Variants in CALD1 observed in about 807,000 individuals in gnomAD.
CALD1 encodes the protein caldesmon 1.
A neutral mutation model predicts 99.9 loss-of-function variants in CALD1; 33 were observed. The observed-to-expected ratio is 0.33, with a 90% CI of 0.25 to 0.44. The LOEUF is 0.44. Ranked by LOEUF, CALD1 falls within the 20% of genes least tolerant of loss-of-function variation. The probability of loss-of-function intolerance (pLI) is 1.00; values close to 1 mark genes in which losing one functional copy is unlikely to be tolerated. For synonymous variants in CALD1, 310 were observed against 325.0 expected (o/e 0.95, Z 0.50); for missense variants, 861 against 962.1 (o/e 0.89, Z 1.39).
chr7:134,835,291 C>T (rs1037303219), intron 1 of CALD1, among the ~76,000 whole-genome samples: 1 of 152,174 alleles, frequency 6.6e-6, no homozygotes, highest in Admixed American at 6.5e-5. Context: ...TGCTTGGCAC[C>T]GACTGAGCTC....
intron 1 of CALD1, among the ~76,000 whole-genome samples, chr7:134,750,599 AG>A (rs1796678025): frequency 6.6e-6 from 1 of 152,094 alleles, no homozygotes; most frequent in African/African-American, 2.4e-5. Flanking sequence ...TTCCATTCCT[AG>A]CTATTAACAG....
At chr7:134,759,992 G>A (rs1796762673) in intron 1 of CALD1, among the ~76,000 whole-genome samples, 1 of 152,220 alleles carries the variant, frequency 6.6e-6, no homozygotes, top group South Asian at 2.1e-4. Flanking sequence ...ATTCAGCAGA[G>A]ATCTAAGGAA....
the CALD1 span, among the ~76,000 whole-genome samples, chr7:134,711,660 CTA>C: frequency 8.2e-4 from 64 of 78,354 alleles, 1 homozygote; most frequent in Admixed American, 1.4e-3. Flanking sequence ...CTCTCTCTCT[CTA>C]TATATATATA....
Position 134,771,120 on chromosome 7 carries a change from A to C in CALD1, c.-130+26757A>C, listed in dbSNP as rs535091998. ...TCTCAGCCTCCTTTTCTGGGCTGTA[A>C]ATATTGGGGTGTTAGCTCCCACATC... On this transcript the variant is annotated intron_variant, in intron 1 of 13. Transcript: ENST00000417172. Among the ~76,000 whole-genome samples, 39 of 152,166 alleles carry C rather than the reference A, an allele frequency of 2.6e-4. 1 individual carries two copies. Among genetic ancestry groups the C allele is most frequent in the Non-Finnish European group, 1.5e-4 (10 of 67,996 alleles).
intron 3 of CALD1, among the ~76,000 whole-genome samples, chr7:134,904,869 T>C (rs1394196344): frequency 6.6e-6 from 1 of 152,086 alleles, no homozygotes; most frequent in African/African-American, 2.4e-5. Context: ...CATGGGAAGA[T>C]AAAGCTCTCT....
At chr7:134,881,337 C>T (rs1320200218) in intron 3 of CALD1, among the ~76,000 whole-genome samples, 2 of 152,134 alleles carry the variant, frequency 1.3e-5, no homozygotes, top group Admixed American at 6.5e-5. Flanking sequence ...GCCCCACTCT[C>T]AATTTATTAT....
intron 1 of CALD1, among the ~76,000 whole-genome samples, chr7:134,756,742 C>G (rs910094399): frequency 6.6e-6 from 1 of 152,272 alleles, no homozygotes; most frequent in East Asian, 1.9e-4. Context: ...AAACTCATAA[C>G]TTGATTCATA....
At chr7:134,814,650 T>C (rs1798488243) in intron 1 of CALD1, among the ~76,000 whole-genome samples, 2 of 152,208 alleles carry the variant, frequency 1.3e-5, no homozygotes, top group African/African-American at 4.8e-5. Context: ...CGGAAGATGC[T>C]ATTTATTCCA....
At chr7:134,814,588 G>C (rs914872369) in intron 1 of CALD1, among the ~76,000 whole-genome samples, 3 of 152,086 alleles carry the variant, frequency 2.0e-5, no homozygotes, top group African/African-American at 7.2e-5. Context: ...GAAGGAGTTG[G>C]TTACTAAGAG....
chr7:134,756,866 T>C (rs963112665), intron 1 of CALD1, among the ~76,000 whole-genome samples: 22 of 152,186 alleles, frequency 1.4e-4, no homozygotes, highest in Non-Finnish European at 4.4e-5. Context: ...TTAAATGCCA[T>C]CCAATAGCAC....
intron 1 of CALD1, among the ~76,000 whole-genome samples, chr7:134,791,660 TGAAAAAC>T (rs1797538044): frequency 7.0e-6 from 1 of 143,320 alleles, no homozygotes; most frequent in African/African-American, 2.5e-5. Context: ...CCCAGGGAAA[TGAAAAAC>T]AAAAAACAAA....
intron 1 of CALD1, among the ~76,000 whole-genome samples, chr7:134,792,361 C>T (rs1797573259): frequency 6.7e-6 from 1 of 149,216 alleles, no homozygotes; most frequent in African/African-American, 2.5e-5. Context: ...GCCATCTCGA[C>T]TCACTGCAAC....
chr7:134,965,306 G>A lies in CALD1; in HGVS notation c.2296G>A (p.Asp766Asn). Residue 766 changes from aspartate to asparagine, a missense_variant and splice_region_variant, in exon 14 of 15, where the codon GAC (aspartate) becomes AAC (asparagine). Coordinates refer to ENST00000361675, the MANE Select transcript of CALD1 (RefSeq NM_033138.4). ...GNKSPAPKPS[D>N]LRPGDVSSKR... The stretch of plus-strand genomic sequence containing the variant: ...TGTTTTTCTGCTTCCTTTTTATCAG[G>A]ACTTGAGACCAGGAGACGTATCCAG... 1 of 1,544,674 alleles carries A rather than the reference G, an allele frequency of 6.5e-7. No individual in the cohort carries two copies. Among genetic ancestry groups the A allele is most frequent in the South Asian group, 1.1e-5 (1 of 89,610 alleles).
intron 6 of CALD1, 30 bp from the exon 7 acceptor site, chr7:134,941,062 T>C (rs368299588): frequency 5.1e-6 from 8 of 1,560,586 alleles, no homozygotes; most frequent in Non-Finnish European, 6.9e-6. Flanking sequence ...TTTCTTGTTC[T>C]GTTTCTTCCT....
At chr7:134,951,690 A>G (rs17229226) in intron 9 of CALD1, among the ~76,000 whole-genome samples, 4,014 of 152,326 alleles carry the variant, frequency 0.026, 78 homozygotes, top group Non-Finnish European at 0.042. Flanking sequence ...CCAAGAGAAC[A>G]GAAAAGGAGC....
intron 14 of CALD1, 142 bp downstream of exon 14, chr7:134,965,528 A>G (rs1808609764): frequency 1.7e-6 from 1 of 598,060 alleles, no homozygotes; most frequent in African/African-American, 1.8e-5. Flanking sequence ...AGACCAGTAC[A>G]TAACACAGTG....
chr7:134,819,967 A>G (rs1326479509), intron 1 of CALD1, among the ~76,000 whole-genome samples: 1 of 152,236 alleles, frequency 6.6e-6, no homozygotes, highest in African/African-American at 2.4e-5. Flanking sequence ...TGGCCTATAA[A>G]TGTATATGCT....
At position 134,969,198 on chromosome 7, in the gene CALD1, A is replaced by C. The variant is rs1808885844; in HGVS notation, c.*853A>C. On this transcript the variant is annotated 3_prime_UTR_variant, in exon 15 of 15. Transcript: ENST00000361675. ...ATATTTTATATTTGCCAACAGAAAC[A>C]TGGCAGATAGGTATCAATATGTTTT... The C allele has an allele frequency of 6.6e-6, 1 of 152,534 alleles. No individual in the cohort carries two copies. The highest frequency in any genetic ancestry group is 1.5e-5 in the Non-Finnish European group (1 of 68,078). The allele number at this position is 152,534 out of a possible 1,614,324, so 9.4% of individuals were successfully genotyped here. A position where few individuals can be genotyped will look rare whatever the true frequency, so the allele number is the denominator to read the frequency against.
chr7:134,823,350 G>T (rs1224480522), intron 1 of CALD1, among the ~76,000 whole-genome samples: 1 of 152,202 alleles, frequency 6.6e-6, no homozygotes, highest in Admixed American at 6.5e-5. Flanking sequence ...CAAACATTGG[G>T]TATCATGTCA....
Sources: gnomAD v4.1 joint callset for allele counts (sites outside exome capture counted in the v4.1 genomes callset) on GRCh38, gnomAD v4.1.1 for gene constraint, MANE v1.5 for transcripts, NCBI Gene and HGNC (gene_info 2026-07-23, HGNC 2026-07-21) for gene names.